MRPL1: variants seen among roughly 807,000 people sequenced by gnomAD.
MRPL1 encodes the protein large ribosomal subunit protein uL1m.
A neutral mutation model predicts 38.0 loss-of-function variants in MRPL1; 28 were observed. The ratio of observed to expected loss-of-function variants is 0.74; its 90% CI spans 0.55 to 1.01. The LOEUF is 1.01. MRPL1 is among the 50% of genes least tolerant of loss of function. The pLI is 0.00. For synonymous variants in MRPL1, 123 were observed against 126.7 expected, an observed-to-expected ratio of 0.97 and a Z score of 0.20; for missense variants, 358 against 389.8, an observed-to-expected ratio of 0.92 and a Z score of 0.69.
chr4:77,900,755 A>G (rs1382631311), intron 6 of MRPL1, among the ~76,000 whole-genome samples: 2 of 152,224 alleles, frequency 1.3e-5, no homozygotes, highest in Admixed American at 6.5e-5. Context: ...ACTTTAGCTC[A>G]GAAGAATGAT....
chr4:77,869,767 G>A (rs1164076174), intron 1 of MRPL1, among the ~76,000 whole-genome samples: 2 of 151,956 alleles, frequency 1.3e-5, no homozygotes, highest in African/African-American at 2.4e-5. Flanking sequence ...TTTTTTTTGC[G>A]TTTTTAGTAG....
chr4:77,881,131 C>T (rs1363441091), intron 2 of MRPL1, among the ~76,000 whole-genome samples: 2 of 152,164 alleles, frequency 1.3e-5, no homozygotes, highest in African/African-American at 4.8e-5. Flanking sequence ...CAAAAGTAGT[C>T]ACATGGACAA....
chr4:77,933,335 G>T (rs977746961), intron 7 of MRPL1, among the ~76,000 whole-genome samples: 1 of 152,126 alleles, frequency 6.6e-6, no homozygotes, highest in East Asian at 1.9e-4. Context: ...TCCTCTGAGG[G>T]CTAGTTGGCC....
intron 2 of MRPL1, among the ~76,000 whole-genome samples, chr4:77,882,832 G>T (rs1314085711): frequency 6.6e-6 from 1 of 152,016 alleles, no homozygotes; most frequent in African/African-American, 2.4e-5. Flanking sequence ...TCACTTCTTT[G>T]GGGTGCTAAC....
At chr4:77,915,200 GAAT>G (rs1296917598) in intron 7 of MRPL1, among the ~76,000 whole-genome samples, 1 of 152,158 alleles carries the variant, frequency 6.6e-6, no homozygotes, top group Non-Finnish European at 1.5e-5. Flanking sequence ...ATGTAATACG[GAAT>G]TGATCTTGAG....
chr4:77,893,015 G>C (rs1735838460), intron 5 of MRPL1, among the ~76,000 whole-genome samples: 1 of 152,170 alleles, frequency 6.6e-6, no homozygotes, highest in South Asian at 2.1e-4. Context: ...TTTGTGCAAA[G>C]AATAGTAACA....
intron 1 of MRPL1, among the ~76,000 whole-genome samples, chr4:77,867,215 A>G (rs1735166772): frequency 6.6e-6 from 1 of 152,124 alleles, no homozygotes; most frequent in East Asian, 1.9e-4. Flanking sequence ...AGGGATTTTT[A>G]TGTTTTATTC....
intron 7 of MRPL1, among the ~76,000 whole-genome samples, chr4:77,942,771 G>A (rs6820725): frequency 0.47 from 71,412 of 151,898 alleles, 17,781 homozygotes; most frequent in Admixed American, 0.55. Flanking sequence ...GAGTCCTTAT[G>A]TGTTAGGTGA....
At chr4:77,947,779 GAT>G (rs1275550967) in intron 7 of MRPL1, among the ~76,000 whole-genome samples, 1 of 152,146 alleles carries the variant, frequency 6.6e-6, no homozygotes, top group Non-Finnish European at 1.5e-5. Context: ...ATGCCTATGA[GAT>G]ATGTAACATT....
chr4:77,899,934 G>C (rs1735999059), intron 6 of MRPL1, among the ~76,000 whole-genome samples: 1 of 152,190 alleles, frequency 6.6e-6, no homozygotes, highest in Non-Finnish European at 1.5e-5. Context: ...TAGAATAGTG[G>C]TTAGTATAGA....
chr4:77,893,702 A>C (rs1234510202), intron 5 of MRPL1, among the ~76,000 whole-genome samples: 1 of 152,186 alleles, frequency 6.6e-6, no homozygotes, highest in Non-Finnish European at 1.5e-5. Flanking sequence ...GATGCTCTAA[A>C]TTTAGGAAGC....
chr4:77,885,216 A>G (rs777786374), intron 3 of MRPL1, 40 bp from the exon 4 acceptor site: 6 of 1,442,622 alleles, frequency 4.2e-6, no homozygotes, highest in African/African-American at 1.4e-5. Flanking sequence ...AATAGAAAAG[A>G]TTAACTTTAC....
chr4:77,870,138 C>T (rs970701206), intron 1 of MRPL1, among the ~76,000 whole-genome samples: 1 of 152,166 alleles, frequency 6.6e-6, no homozygotes, highest in Non-Finnish European at 1.5e-5. Context: ...AAGGGTTCCT[C>T]CTGCCTTGGC....
chr4:77,913,650 A>C (rs1023605982), intron 7 of MRPL1, among the ~76,000 whole-genome samples: 14 of 152,216 alleles, frequency 9.2e-5, no homozygotes, highest in African/African-American at 2.9e-4. Context: ...GATACTTAGG[A>C]GAAATGAAAA....
intron 7 of MRPL1, among the ~76,000 whole-genome samples, chr4:77,947,614 G>A (rs558127108): frequency 6.6e-6 from 1 of 152,294 alleles, no homozygotes; most frequent in African/African-American, 2.4e-5. Flanking sequence ...TGAGAAGTAG[G>A]CAGAAAACCT....
At chr4:77,865,956 G>A (rs1455497498) in intron 1 of MRPL1, among the ~76,000 whole-genome samples, 1 of 152,064 alleles carries the variant, frequency 6.6e-6, no homozygotes, top group Non-Finnish European at 1.5e-5. Flanking sequence ...TATTCATTTT[G>A]TTAGCCACTA....
chr4:77,894,727 A>G (rs1351009320), intron 6 of MRPL1, among the ~76,000 whole-genome samples: 1 of 152,156 alleles, frequency 6.6e-6, no homozygotes, highest in Non-Finnish European at 1.5e-5. Flanking sequence ...AGGTCACTAA[A>G]TAAGGAACTG....
chr4:77,875,005 C>G (rs955689101), intron 2 of MRPL1, among the ~76,000 whole-genome samples: 2 of 151,658 alleles, frequency 1.3e-5, no homozygotes, highest in Non-Finnish European at 2.9e-5. Context: ...TCAGGCTGGT[C>G]TTGAACTCCT....
At chr4:77,875,941 C>T (rs189194144) in intron 2 of MRPL1, among the ~76,000 whole-genome samples, 85 of 152,160 alleles carry the variant, frequency 5.6e-4, no homozygotes, top group African/African-American at 2.0e-3. Context: ...CCTTGGATAC[C>T]ATCAATCTTC....
Sources: allele counts gnomAD v4.1 joint callset (sites outside exome capture counted in the v4.1 genomes callset), GRCh38; gene constraint gnomAD v4.1.1; transcripts MANE v1.5; gene names NCBI Gene and HGNC (gene_info 2026-07-23, HGNC 2026-07-21).